Variants in IPO11 observed in about 807,000 individuals in gnomAD.
The protein encoded by IPO11 is importin-11.
In IPO11, 66 loss-of-function variants were observed where a neutral mutation model predicts 143.2. The observed-to-expected ratio is 0.46, with a 90% CI of 0.38 to 0.57. The LOEUF is 0.57. IPO11 is among the 20% of genes least tolerant of loss of function. IPO11 has a pLI of 0.00. For missense variants in IPO11, 1,026 were observed against 1,141.0 expected (o/e 0.90, Z 1.45); for synonymous variants, 385 against 377.8 (o/e 1.02, Z -0.22).
At chr5:62,476,562 A>G in intron 8 of IPO11, 121 bp from the exon 9 acceptor site, 1 of 1,063,198 alleles carries the variant, frequency 9.4e-7, no homozygotes, top group South Asian at 1.7e-5. Context: ...CTTTTTAAAT[A>G]ATGAATTCAT....
At chr5:62,578,340 C>T (rs1744400167) in intron 27 of IPO11, among the ~76,000 whole-genome samples, 1 of 151,778 alleles carries the variant, frequency 6.6e-6, no homozygotes, top group South Asian at 2.1e-4. Context: ...AATTTTTTCC[C>T]CTATTTTTAT....
chr5:62,487,221 A>G (rs1580236564), intron 12 of IPO11, among the ~76,000 whole-genome samples: 1 of 152,136 alleles, frequency 6.6e-6, no homozygotes, highest in East Asian at 1.9e-4. Flanking sequence ...AGGCTACTTT[A>G]TTTGGCAAAT....
At chr5:62,453,430 AG>A (rs1745014045) in intron 5 of IPO11, among the ~76,000 whole-genome samples, 1 of 150,232 alleles carries the variant, frequency 6.7e-6, no homozygotes, top group Non-Finnish European at 1.5e-5. Context: ...GTGGAAGAGA[AG>A]GGATGTAATG....
In IPO11 at chr5:62,536,875, T is replaced by C. The variant is rs1316566950; in HGVS notation, c.2169+94T>C. On this transcript the variant is annotated intron_variant, in intron 23 of 29. Transcript: ENST00000325324. ...GGGGTACGTTTTCAAAATTTTAAGATTGGTCTGTTATTTTAAGACAGAGAA... is the reference window on the plus strand; with the variant it reads ...GGGGTACGTTTTCAAAATTTTAAGACTGGTCTGTTATTTTAAGACAGAGAA... The C allele has an allele frequency of 5.7e-6, 7 of 1,229,756 alleles. No individual in the cohort carries two copies. In the East Asian group the frequency reaches 1.8e-4, roughly 32 times the overall value. 76.2% of individuals were successfully genotyped at this position (1,229,756 alleles called of 1,614,324 possible).
chr5:62,525,400 G>A (rs1015446759), intron 20 of IPO11, among the ~76,000 whole-genome samples: 1 of 149,778 alleles, frequency 6.7e-6, no homozygotes, highest in Admixed American at 6.7e-5. Context: ...TGAGGAGGTC[G>A]ACAGATTCTT....
intron 1 of IPO11, among the ~76,000 whole-genome samples, chr5:62,425,955 T>G (rs1743725030): frequency 6.6e-6 from 1 of 152,226 alleles, no homozygotes; most frequent in Admixed American, 6.5e-5. Flanking sequence ...GACATGACTA[T>G]TTGGAGCTAT....
intron 29 of IPO11, among the ~76,000 whole-genome samples, chr5:62,612,097 A>G (rs974198897): frequency 2.0e-5 from 3 of 152,198 alleles, no homozygotes; most frequent in African/African-American, 4.8e-5. Flanking sequence ...TTTTATATAC[A>G]TACATAAAAT....
At chr5:62,514,836 C>T (rs1741951225) in intron 19 of IPO11, among the ~76,000 whole-genome samples, 1 of 152,212 alleles carries the variant, frequency 6.6e-6, no homozygotes, top group Admixed American at 6.5e-5. Flanking sequence ...CCATAGTGAG[C>T]TTAGCAATTT....
chr5:62,606,053 GT>G (rs1554058278), intron 29 of IPO11, among the ~76,000 whole-genome samples: 1 of 151,636 alleles, frequency 6.6e-6, no homozygotes, highest in Non-Finnish European at 1.5e-5. Flanking sequence ...TTATTACTTG[GT>G]TTTTTTTAAA....
intron 1 of IPO11, among the ~76,000 whole-genome samples, chr5:62,415,787 G>GATAA: frequency 6.6e-6 from 1 of 152,170 alleles, no homozygotes; most frequent in African/African-American, 2.4e-5. Flanking sequence ...CTCTTTACTG[G>GATAA]ATAAAGTTCC....
At chr5:62,559,724 C>G (rs1417073469) in intron 26 of IPO11, among the ~76,000 whole-genome samples, 2 of 151,824 alleles carry the variant, frequency 1.3e-5, no homozygotes, top group African/African-American at 4.8e-5. Flanking sequence ...TGATACCAAC[C>G]TGGCCAATAT....
At chr5:62,571,812 A>G (rs1355810853) in intron 27 of IPO11, among the ~76,000 whole-genome samples, 1 of 150,404 alleles carries the variant, frequency 6.6e-6, no homozygotes, top group Admixed American at 6.7e-5. Flanking sequence ...CAGCCTCCCC[A>G]TTAGCTGGGA....
chr5:62,584,637 A>C lies in IPO11; in HGVS notation c.2583-6940A>C, dbSNP rs1157166211. Reference sequence around the variant, plus strand: ...CAAAAAAAAAAAAAAAAAAAAAAAAAAGGAAATAGGAGCAGGTCACAGCAA... The same window carrying C: ...CAAAAAAAAAAAAAAAAAAAAAAAACAGGAAATAGGAGCAGGTCACAGCAA... On this transcript the variant is annotated intron_variant, in intron 27 of 29. Coordinates refer to ENST00000325324, the MANE Select transcript of IPO11 (RefSeq NM_016338.5). Among the ~76,000 whole-genome samples, 3 of 136,586 alleles carry C rather than the reference A, an allele frequency of 2.2e-5. No homozygotes were observed. In the East Asian group the frequency reaches 6.2e-4, roughly 28 times the overall value. 89.6% of individuals were successfully genotyped at this position (136,586 alleles called of 152,430 possible).
At chr5:62,490,424 T>G (rs1746563236) in intron 15 of IPO11, among the ~76,000 whole-genome samples, 1 of 152,120 alleles carries the variant, frequency 6.6e-6, no homozygotes. Flanking sequence ...AAGGAGGACT[T>G]TATGCAAAGA....
intron 28 of IPO11, among the ~76,000 whole-genome samples, chr5:62,600,139 G>T (rs1745452033): frequency 6.6e-6 from 1 of 152,140 alleles, no homozygotes. Flanking sequence ...CGTGGGTTCA[G>T]GCAATTTCTC....
intron 20 of IPO11, among the ~76,000 whole-genome samples, chr5:62,522,478 T>C (rs552588658): frequency 6.6e-6 from 1 of 152,264 alleles, no homozygotes; most frequent in Non-Finnish European, 1.5e-5. Flanking sequence ...GGAGACAGTG[T>C]TTCATCATGT....
chr5:62,485,590 G>A (rs1174910602), intron 12 of IPO11, 128 bp downstream of exon 12: 4 of 755,384 alleles, frequency 5.3e-6, no homozygotes, highest in African/African-American at 1.8e-5. Context: ...TTTAATCCTA[G>A]CACTTTGGGA....
chr5:62,557,232 G>A (rs1179527778), intron 26 of IPO11, among the ~76,000 whole-genome samples: 1 of 151,932 alleles, frequency 6.6e-6, no homozygotes, highest in East Asian at 1.9e-4. Flanking sequence ...TGCCCAGGCT[G>A]GAGTGCAATG....
At position 62,618,518 on chromosome 5, in the gene IPO11, T is replaced by G. The variant is rs117379526; in HGVS notation, c.2764-8636T>G. 4.6e-4 allele frequency among the ~76,000 whole-genome samples: 69 copies of G among 150,902 alleles called. No homozygotes were observed. The East Asian group carries it at 0.012, about 26-fold the overall frequency. ...ATGAATAAGTATTGTTTGCTTGTTC[T>G]TCTTCTTAAAAAACCCACAGAATAG... On this transcript the variant is annotated intron_variant, in intron 29 of 29. Transcript: ENST00000325324.
Sources: gnomAD v4.1 joint callset for allele counts (sites outside exome capture counted in the v4.1 genomes callset) on GRCh38, gnomAD v4.1.1 for gene constraint, MANE v1.5 for transcripts, NCBI Gene and HGNC (gene_info 2026-07-23, HGNC 2026-07-21) for gene names.